The following AGBL4 variants were observed in gnomAD, a reference collection of about 807,000 sequenced individuals.
AGBL4 encodes AGBL carboxypeptidase 4.
A neutral mutation model predicts 66.4 loss-of-function variants in AGBL4; 58 were observed. The ratio of observed to expected loss-of-function variants is 0.87; its 90% CI spans 0.71 to 1.09. The LOEUF is 1.09. AGBL4 is among the 50% of genes least tolerant of loss of function. AGBL4 has a pLI of 0.00. For synonymous variants in AGBL4, 234 were observed against 222.9 expected (o/e 1.05, Z -0.44); for missense variants, 579 against 631.0 (o/e 0.92, Z 0.88).
rs75390441 is a variant in AGBL4 at position 48,778,204 on chromosome 1, C to G, written c.634+88987G>C. ...CCAACCATCCATCCATCTGTTCATT[C>G]ATTCCTTTATTCAAGCAACCAATAT... On this transcript the variant is annotated intron_variant, in intron 6 of 13. Coordinates refer to ENST00000371839, the MANE Select transcript of AGBL4 (RefSeq NM_032785.4). Among the ~76,000 whole-genome samples the G allele has an allele frequency of 8.4e-4, 127 of 152,090 alleles. 5 individuals carry two copies. In the East Asian group the frequency reaches 0.021, roughly 25 times the overall value.
At chr1:48,875,706 A>G (rs1339022931) in intron 5 of AGBL4, among the ~76,000 whole-genome samples, 1 of 152,176 alleles carries the variant, frequency 6.6e-6, no homozygotes, top group East Asian at 1.9e-4. Flanking sequence ...TAAAACTGCA[A>G]AGACAATTTG....
intron 1 of AGBL4, among the ~76,000 whole-genome samples, chr1:49,931,438 G>A (rs1028823334): frequency 2.0e-5 from 3 of 152,148 alleles, no homozygotes; most frequent in Non-Finnish European, 4.4e-5. Flanking sequence ...AATCATGATG[G>A]AAGGTGAAGG....
At chr1:49,223,357 T>C (rs1328687961) in intron 4 of AGBL4, among the ~76,000 whole-genome samples, 3 of 152,096 alleles carry the variant, frequency 2.0e-5, no homozygotes, top group African/African-American at 7.2e-5. Context: ...AGTAATGATA[T>C]TTGTTTCCTG....
At chr1:49,325,475 A>G in intron 3 of AGBL4, among the ~76,000 whole-genome samples, 1 of 152,212 alleles carries the variant, frequency 6.6e-6, no homozygotes, top group Non-Finnish European at 1.5e-5. Context: ...ATGTTATAAT[A>G]CCCAGAAGCC....
intron 3 of AGBL4, among the ~76,000 whole-genome samples, chr1:49,515,090 C>G (rs1007027907): frequency 9.2e-5 from 14 of 152,088 alleles, no homozygotes; most frequent in South Asian, 4.2e-4. Flanking sequence ...TACCATCAGA[C>G]TGAACAGGCA....
chr1:48,773,538 A>G (rs1306483586), intron 6 of AGBL4, among the ~76,000 whole-genome samples: 1 of 152,162 alleles, frequency 6.6e-6, no homozygotes, highest in African/African-American at 2.4e-5. Flanking sequence ...ATGGAGAAAG[A>G]GCAGAATGGG....
chr1:49,806,946 C>A (rs769119659), intron 2 of AGBL4, among the ~76,000 whole-genome samples: 1 of 152,180 alleles, frequency 6.6e-6, no homozygotes, highest in African/African-American at 2.4e-5. Context: ...AGACAGTAAA[C>A]CTTGCCAATA....
At chr1:49,826,542 C>A (rs1227882185) in intron 2 of AGBL4, among the ~76,000 whole-genome samples, 1 of 152,164 alleles carries the variant, frequency 6.6e-6, no homozygotes, top group African/African-American at 2.4e-5. Flanking sequence ...AAGCAAGGAA[C>A]CATATCAGGT....
intron 2 of AGBL4, among the ~76,000 whole-genome samples, chr1:49,710,008 C>T (rs774139940): frequency 8.5e-5 from 13 of 152,140 alleles, no homozygotes; most frequent in Non-Finnish European, 1.6e-4. Flanking sequence ...TAAATTAGTT[C>T]AACCATTGTG....
At chr1:48,569,785 A>G (rs1213578777) in intron 11 of AGBL4, among the ~76,000 whole-genome samples, 1 of 152,204 alleles carries the variant, frequency 6.6e-6, no homozygotes, top group Admixed American at 6.5e-5. Flanking sequence ...TACCTTGAGC[A>G]TCAATCTGCC....
chr1:49,677,312 G>A (rs1409555399), intron 3 of AGBL4, among the ~76,000 whole-genome samples: 1 of 152,006 alleles, frequency 6.6e-6, no homozygotes, highest in Non-Finnish European at 1.5e-5. Flanking sequence ...ATGAATAGGT[G>A]TTGAATTTTG....
intron 11 of AGBL4, among the ~76,000 whole-genome samples, chr1:48,567,982 C>T (rs779097346): frequency 2.0e-5 from 3 of 152,058 alleles, no homozygotes; most frequent in Admixed American, 6.6e-5. Context: ...ATTCAAGCAC[C>T]GAGGCTGGGA....
intron 4 of AGBL4, among the ~76,000 whole-genome samples, chr1:49,074,076 G>T (rs1644663739): frequency 6.6e-6 from 1 of 152,154 alleles, no homozygotes; most frequent in Admixed American, 6.5e-5. Context: ...AATGGCGGAT[G>T]CCCCTCCCCC....
the AGBL4 span, among the ~76,000 whole-genome samples, chr1:48,524,786 A>T: frequency 2.0e-5 from 3 of 152,164 alleles, no homozygotes; most frequent in East Asian, 3.9e-4. Flanking sequence ...ACACACATAC[A>T]TTCAAATACA....
At chr1:48,524,343 A>G in the AGBL4 span, among the ~76,000 whole-genome samples, 1 of 152,224 alleles carries the variant, frequency 6.6e-6, no homozygotes. Context: ...AGACAGGAAC[A>G]CAAAGCTGAA....
chr1:49,363,664 C>T (rs929382823), intron 3 of AGBL4, among the ~76,000 whole-genome samples: 4 of 152,138 alleles, frequency 2.6e-5, no homozygotes, highest in Non-Finnish European at 5.9e-5. Flanking sequence ...TTCACAAGGC[C>T]TTAAAAATAC....
chr1:49,216,456 T>A (rs1649098094), intron 4 of AGBL4, among the ~76,000 whole-genome samples: 1 of 152,154 alleles, frequency 6.6e-6, no homozygotes, highest in African/African-American at 2.4e-5. Flanking sequence ...GCCATCTTTA[T>A]GTCCATGAGA....
chr1:48,737,474 T>C (rs1271264101), intron 6 of AGBL4, among the ~76,000 whole-genome samples: 1 of 152,066 alleles, frequency 6.6e-6, no homozygotes, highest in African/African-American at 2.4e-5. Context: ...TGCCAGTCCT[T>C]TCCCACCTCT....
chr1:49,462,066 T>C (rs1037468827), intron 3 of AGBL4, among the ~76,000 whole-genome samples: 2 of 151,688 alleles, frequency 1.3e-5, no homozygotes, highest in Admixed American at 6.6e-5. Flanking sequence ...CAATATTAGC[T>C]GTGTGACTTT....
Sources: gnomAD v4.1 joint callset for allele counts (sites outside exome capture counted in the v4.1 genomes callset) on GRCh38, gnomAD v4.1.1 for gene constraint, MANE v1.5 for transcripts, NCBI Gene and HGNC (gene_info 2026-07-23, HGNC 2026-07-21) for gene names.